The following DTD1 variants were observed in gnomAD, a reference collection of about 807,000 sequenced individuals.
The protein encoded by DTD1 is D-aminoacyl-tRNA deacylase 1.
A neutral mutation model predicts 25.6 loss-of-function variants in DTD1; 13 were observed. That is an observed-to-expected ratio of 0.51 (90% CI 0.33 to 0.81). The LOEUF (loss-of-function observed/expected upper bound fraction) is 0.81. Ranked by LOEUF, DTD1 falls within the 30% of genes least tolerant of loss-of-function variation. The pLI is 0.02. For synonymous variants in DTD1, 110 were observed against 103.6 expected (o/e 1.06, Z -0.37); for missense variants, 193 against 266.4 (o/e 0.72, Z 1.92).
At chr20:18,628,763 C>T (rs946955804) in intron 4 of DTD1, among the ~76,000 whole-genome samples, 1 of 152,124 alleles carries the variant, frequency 6.6e-6, no homozygotes, top group African/African-American at 2.4e-5. Flanking sequence ...CCTTGGAACC[C>T]GCGTGGTCTC....
At chr20:18,614,639 T>C (rs2060701642) in intron 3 of DTD1, among the ~76,000 whole-genome samples, 1 of 152,110 alleles carries the variant, frequency 6.6e-6, no homozygotes, top group African/African-American at 2.4e-5. Flanking sequence ...ACTTCTATGT[T>C]TGTTAGCGGC....
At chr20:18,740,371 G>A (rs1350221149) in intron 4 of DTD1, among the ~76,000 whole-genome samples, 1 of 151,828 alleles carries the variant, frequency 6.6e-6, no homozygotes. Context: ...AAAACTGAGA[G>A]GGCATCTTGC....
intron 4 of DTD1, among the ~76,000 whole-genome samples, chr20:18,740,564 C>T (rs1035169181): frequency 3.9e-5 from 6 of 152,010 alleles, no homozygotes; most frequent in African/African-American, 1.5e-4. Context: ...TGCAGAACAC[C>T]AATTTCAAGA....
chr20:18,727,622 C>T lies in DTD1; in HGVS notation c.478-16478C>T, dbSNP rs752387501. On this transcript the variant is annotated intron_variant, in intron 4 of 5. Transcript: ENST00000377452. ...CACAGTTCATGGCCTGTAGTTCATT[C>T]GCAGAGCAACCATCACCATGAGAAG... 6.6e-5 allele frequency among the ~76,000 whole-genome samples: 10 copies of T among 152,112 alleles called. No individual in the cohort carries two copies. The East Asian group carries it at 1.5e-3, about 24-fold the overall frequency.
intron 4 of DTD1, among the ~76,000 whole-genome samples, chr20:18,653,898 TGA>T (rs1242118035): frequency 6.6e-6 from 1 of 152,208 alleles, no homozygotes; most frequent in Non-Finnish European, 1.5e-5. Flanking sequence ...ACAGCCATCA[TGA>T]GAGGGGAGGG....
intron 3 of DTD1, among the ~76,000 whole-genome samples, chr20:18,596,942 C>A (rs111949433): frequency 6.6e-6 from 1 of 152,266 alleles, no homozygotes; most frequent in Non-Finnish European, 1.5e-5. Flanking sequence ...CATGGCACAT[C>A]ATTATCACCC....
Position 18,592,132 on chromosome 20 carries a change from T to G in DTD1, c.44-1599T>G, listed in dbSNP as rs546387938. On this transcript the variant is annotated intron_variant, in intron 1 of 5. Coordinates refer to ENST00000377452, the MANE Select transcript of DTD1 (RefSeq NM_080820.6). ...TGTAACATGACATAGTCTATGTTAC[T>G]GTGTTAGTTATATTTATAGCTATTA... 5.3e-5 allele frequency among the ~76,000 whole-genome samples: 8 copies of G among 152,338 alleles called. 1 individual carries two copies. The South Asian group carries it at 1.2e-3, about 24-fold the overall frequency.
At chr20:18,715,219 C>T (rs893281135) in intron 4 of DTD1, among the ~76,000 whole-genome samples, 8 of 152,154 alleles carry the variant, frequency 5.3e-5, no homozygotes, top group Admixed American at 5.2e-4. Context: ...CAGAACACAG[C>T]AAGCCCTGTC....
Position 18,765,035 on chromosome 20 carries a change from C to T in DTD1, c.*1695C>T, listed in dbSNP as rs1185372258. The stretch of plus-strand genomic sequence containing the variant: ...TTGCATAGAGATACGACCTAAGGAT[C>T]ATGACATTTGGATGGTGGTAAAATG... On this transcript the variant is annotated 3_prime_UTR_variant, in exon 6 of 6. Transcript: ENST00000377452. 2 of 152,170 alleles carry T rather than the reference C, an allele frequency of 1.3e-5. No individual in the cohort carries two copies. The highest frequency in any genetic ancestry group is 4.8e-5 in the African/African-American group (2 of 41,446). 9.4% of individuals were successfully genotyped at this position (152,170 alleles called of 1,614,324 possible).
At chr20:18,672,837 T>G (rs1254211022) in intron 4 of DTD1, among the ~76,000 whole-genome samples, 1 of 152,186 alleles carries the variant, frequency 6.6e-6, no homozygotes, top group Non-Finnish European at 1.5e-5. Context: ...CATTAGCTGA[T>G]TTGGGGCTGT....
At chr20:18,676,788 C>T (rs73902831) in intron 4 of DTD1, among the ~76,000 whole-genome samples, 1,859 of 152,270 alleles carry the variant, frequency 0.012, 42 homozygotes, top group African/African-American at 0.042. Flanking sequence ...GGTTAACTTA[C>T]GGCTCAGTGA....
At chr20:18,654,871 A>G (rs2060886267) in intron 4 of DTD1, among the ~76,000 whole-genome samples, 1 of 152,224 alleles carries the variant, frequency 6.6e-6, no homozygotes, top group South Asian at 2.1e-4. Flanking sequence ...ACGGGAATAA[A>G]AGTCTCTTAC....
At chr20:18,744,600 A>G (rs939931702) in intron 5 of DTD1, among the ~76,000 whole-genome samples, 69 of 145,242 alleles carry the variant, frequency 4.8e-4, no homozygotes, top group African/African-American at 1.1e-3. Context: ...ATAAGGGTCA[A>G]GCACTCCAGC....
At chr20:18,698,734 T>C (rs557889724) in intron 4 of DTD1, 6 of 152,368 alleles carry the variant, frequency 3.9e-5, no homozygotes, top group Admixed American at 1.3e-4. Context: ...GAATAGTTGG[T>C]GACTGAGCCC....
At chr20:18,706,474 C>T (rs2061126902) in intron 4 of DTD1, among the ~76,000 whole-genome samples, 1 of 152,210 alleles carries the variant, frequency 6.6e-6, no homozygotes, top group South Asian at 2.1e-4. Context: ...CTCCAGTAAA[C>T]AGGTAACCTG....
chr20:18,722,181 T>G (rs1371201803), intron 4 of DTD1, among the ~76,000 whole-genome samples: 1 of 152,236 alleles, frequency 6.6e-6, no homozygotes, highest in Admixed American at 6.5e-5. Flanking sequence ...TGCCCTTTCC[T>G]TTGGCATGGC....
intron 5 of DTD1, among the ~76,000 whole-genome samples, chr20:18,755,386 A>G (rs2061335048): frequency 6.6e-6 from 1 of 152,178 alleles, no homozygotes; most frequent in Non-Finnish European, 1.5e-5. Flanking sequence ...GTCATTTAAC[A>G]TTAGGTATAT....
chr20:18,667,627 C>T (rs1361361625), intron 4 of DTD1, among the ~76,000 whole-genome samples: 1 of 152,076 alleles, frequency 6.6e-6, no homozygotes, highest in Non-Finnish European at 1.5e-5. Flanking sequence ...GGCATTTCTT[C>T]CTTGCCCTGC....
chr20:18,651,566 C>G (rs971802626), intron 4 of DTD1, among the ~76,000 whole-genome samples: 1 of 152,234 alleles, frequency 6.6e-6, no homozygotes, highest in South Asian at 2.1e-4. Flanking sequence ...GCTCTCATGA[C>G]TGCCCCCTTT....
Sources: allele counts gnomAD v4.1 joint callset (sites outside exome capture counted in the v4.1 genomes callset), GRCh38; gene constraint gnomAD v4.1.1; transcripts MANE v1.5; gene names NCBI Gene and HGNC (gene_info 2026-07-23, HGNC 2026-07-21).